THRB: variants seen among roughly 807,000 people sequenced by gnomAD.
THRB encodes thyroid hormone receptor beta.
THRB carries 12 observed loss-of-function variants against 47.8 expected under a neutral mutation model. That is an observed-to-expected ratio of 0.25 (90% CI 0.16 to 0.41). The LOEUF (loss-of-function observed/expected upper bound fraction) is 0.41, where lower values mean the gene tolerates loss of function less well. Ranked by LOEUF, THRB falls within the 10% of genes least tolerant of loss-of-function variation. The pLI, the probability that THRB is intolerant of heterozygous loss-of-function variation, is 1.00. For synonymous variants in THRB, 218 were observed against 212.2 expected (o/e 1.03, Z -0.24); for missense variants, 348 against 589.2 (o/e 0.59, Z 4.24).
At chr3:24,447,523 C>A (rs911868484) in intron 1 of THRB, among the ~76,000 whole-genome samples, 1 of 152,132 alleles carries the variant, frequency 6.6e-6, no homozygotes, top group East Asian at 1.9e-4. Context: ...AGTTCAATTG[C>A]CAGCTGTTCA....
At chr3:24,152,598 G>A in intron 5 of THRB, 108 bp from the exon 6 acceptor site, 1 of 710,444 alleles carries the variant, frequency 1.4e-6, no homozygotes, top group Non-Finnish European at 2.6e-6. Flanking sequence ...GCCAGGAAGA[G>A]GTAACAACAG....
At chr3:24,381,113 CAA>C (rs35253085) in intron 1 of THRB, among the ~76,000 whole-genome samples, 1,276 of 87,654 alleles carry the variant, frequency 0.015, 11 homozygotes, top group African/African-American at 0.048. Flanking sequence ...GACTCTGCCT[CAA>C]AAAAAAAAAA....
rs370559332 is a variant in THRB at position 24,364,637 on chromosome 3, T to C, written c.-260-27266A>G. Among the ~76,000 whole-genome samples the C allele has an allele frequency of 8.5e-5, 13 of 152,256 alleles. No homozygotes were observed. The East Asian group carries it at 1.9e-3, about 23-fold the overall frequency. The stretch of plus-strand genomic sequence containing the variant: ...TTCCAAAGCCCAAAATCTTTCTGCT[T>C]CATCATCCATGTACAAACAAGACAT... On this transcript the variant is annotated intron_variant, in intron 1 of 10. Coordinates refer to ENST00000646209, the MANE Select transcript of THRB (RefSeq NM_001354712.2).
chr3:24,165,191 C>G (rs1319816222), intron 5 of THRB: 2 of 765,110 alleles, frequency 2.6e-6, no homozygotes, highest in Non-Finnish European at 4.8e-6. Flanking sequence ...ATTCACTGCC[C>G]AGGCCTGTTC....
At chr3:24,230,781 A>C (rs2048180941) in intron 3 of THRB, among the ~76,000 whole-genome samples, 2 of 152,154 alleles carry the variant, frequency 1.3e-5, no homozygotes, top group African/African-American at 4.8e-5. Context: ...CTCTGGCAAA[A>C]CTGGCTTAAG....
At chr3:24,430,517 A>G (rs1456694854) in intron 1 of THRB, among the ~76,000 whole-genome samples, 6 of 152,108 alleles carry the variant, frequency 3.9e-5, no homozygotes, top group African/African-American at 1.4e-4. Flanking sequence ...ACATTTTTAA[A>G]GAATATAAAT....
chr3:24,289,095 T>C (rs905944895), intron 3 of THRB, among the ~76,000 whole-genome samples: 3 of 152,044 alleles, frequency 2.0e-5, no homozygotes, highest in African/African-American at 7.2e-5. Context: ...GAGCCCAGTG[T>C]GGGGTTTCAA....
chr3:24,146,288 T>C (rs931778576), intron 7 of THRB, among the ~76,000 whole-genome samples: 3 of 152,216 alleles, frequency 2.0e-5, no homozygotes, highest in African/African-American at 7.2e-5. Flanking sequence ...CTCTACCCCA[T>C]GTGAACACTG....
chr3:24,287,333 A>T (rs2055415959), intron 3 of THRB, among the ~76,000 whole-genome samples: 2 of 152,240 alleles, frequency 1.3e-5, no homozygotes, highest in Admixed American at 6.5e-5. Context: ...TGATTGATCA[A>T]AAACAGAAAA....
intron 3 of THRB, among the ~76,000 whole-genome samples, chr3:24,235,095 G>A (rs2048724911): frequency 6.6e-6 from 1 of 152,182 alleles, no homozygotes. Flanking sequence ...TTGCTATTAG[G>A]TTGATGCAAA....
At chr3:24,259,787 A>G (rs1169219413) in intron 3 of THRB, among the ~76,000 whole-genome samples, 1 of 152,178 alleles carries the variant, frequency 6.6e-6, no homozygotes, top group Non-Finnish European at 1.5e-5. Context: ...ATTCAGTTAT[A>G]GATTTAAGTG....
chr3:24,331,496 C>G (rs548286741), intron 2 of THRB, among the ~76,000 whole-genome samples: 1 of 152,208 alleles, frequency 6.6e-6, no homozygotes, highest in East Asian at 1.9e-4. Context: ...TCTTTCAAAG[C>G]CTGTAATTTA....
chr3:24,261,528 A>C (rs981886725), intron 3 of THRB, among the ~76,000 whole-genome samples: 121 of 149,340 alleles, frequency 8.1e-4, no homozygotes, highest in African/African-American at 2.7e-3. Flanking sequence ...ACCAAAAAAA[A>C]CTCTCTAGAT....
chr3:24,314,515 C>CT (rs894340440), intron 2 of THRB, among the ~76,000 whole-genome samples: 2 of 151,926 alleles, frequency 1.3e-5, no homozygotes, highest in Admixed American at 6.6e-5. Flanking sequence ...GAGGAGAGGT[C>CT]TTTTTTTTAA....
chr3:24,216,467 G>T (rs2046574906), intron 4 of THRB, among the ~76,000 whole-genome samples: 1 of 152,160 alleles, frequency 6.6e-6, no homozygotes, highest in Non-Finnish European at 1.5e-5. Flanking sequence ...AATTAGCCGG[G>T]CGTGGTGGAG....
At chr3:24,248,417 T>C (rs980669477) in intron 3 of THRB, among the ~76,000 whole-genome samples, 11 of 151,744 alleles carry the variant, frequency 7.2e-5, no homozygotes, top group Non-Finnish European at 1.2e-4. Context: ...AGGTTTGGAA[T>C]AGTACAATGA....
intron 3 of THRB, among the ~76,000 whole-genome samples, chr3:24,278,966 T>A (rs1285997220): frequency 1.3e-5 from 2 of 152,200 alleles, no homozygotes; most frequent in East Asian, 3.9e-4. Context: ...CCCCTCAGCC[T>A]CCCAAGTAGT....
chr3:24,377,256 C>A (rs1469155215), intron 1 of THRB, among the ~76,000 whole-genome samples: 1 of 152,074 alleles, frequency 6.6e-6, no homozygotes, highest in African/African-American at 2.4e-5. Context: ...CTTTCTGTCC[C>A]CCAGGGAGCA....
rs567746476 is a variant in THRB at position 24,192,370 on chromosome 3, CAT to C, written c.23-2038_23-2037del. Among the ~76,000 whole-genome samples the C allele has an allele frequency of 2.4e-4, 37 of 152,254 alleles. 1 individual carries two copies. In the South Asian group the frequency reaches 6.0e-3, roughly 25 times the overall value. ...AGACATGAAAATTCTTCTCAGCACA[CAT>C]GTTTTTATGGTGTCTGCTTTATTTT... is the stretch of plus-strand genomic sequence containing the variant. On this transcript the variant is annotated intron_variant, in intron 4 of 10. Coordinates refer to ENST00000646209, the MANE Select transcript of THRB (RefSeq NM_001354712.2).
Sources: gnomAD v4.1 joint callset for allele counts (sites outside exome capture counted in the v4.1 genomes callset) on GRCh38, gnomAD v4.1.1 for gene constraint, MANE v1.5 for transcripts, NCBI Gene and HGNC (gene_info 2026-07-23, HGNC 2026-07-21) for gene names.